GNAI1: variants seen among roughly 807,000 people sequenced by gnomAD.
GNAI1 encodes guanine nucleotide-binding protein G(i) subunit alpha-1.
In GNAI1, 11 loss-of-function variants were observed where a neutral mutation model predicts 38.9. The ratio of observed to expected loss-of-function variants is 0.28; its 90% CI spans 0.18 to 0.47. GNAI1 has a LOEUF of 0.47. GNAI1 is among the 20% of genes least tolerant of loss of function. The pLI, the probability that GNAI1 is intolerant of heterozygous loss-of-function variation, is 0.99. For missense variants in GNAI1, 317 were observed against 436.9 expected (o/e 0.73, Z 2.45); for synonymous variants, 166 against 145.1 (o/e 1.14, Z -1.04).
chr7:80,202,899 C>A (rs1219229353), intron 4 of GNAI1, among the ~76,000 whole-genome samples: 1 of 152,184 alleles, frequency 6.6e-6, no homozygotes, highest in Non-Finnish European at 1.5e-5. Flanking sequence ...GGGGCAGTGT[C>A]ATTCCTTTTC....
At chr7:80,139,147 A>C (rs1787478596) in intron 1 of GNAI1, among the ~76,000 whole-genome samples, 1 of 97,288 alleles carries the variant, frequency 1.0e-5, no homozygotes, top group South Asian at 2.5e-4. Context: ...ACCTTGTATT[A>C]GTTACTTTAG....
intron 5 of GNAI1, 110 bp from the exon 6 acceptor site, chr7:80,210,859 T>C (rs755642499): frequency 8.4e-6 from 7 of 833,618 alleles, no homozygotes; most frequent in Non-Finnish European, 1.3e-5. Context: ...CTCCTTCCTT[T>C]TCATCAGACA....
intron 1 of GNAI1, among the ~76,000 whole-genome samples, chr7:80,173,249 G>A (rs1788126397): frequency 1.3e-5 from 2 of 152,036 alleles, no homozygotes; most frequent in South Asian, 4.1e-4. Context: ...GAAGATGACA[G>A]CACAAAAATA....
At chr7:80,189,029 T>C in intron 2 of GNAI1, 36 bp downstream of exon 2, 1 of 1,603,860 alleles carries the variant, frequency 6.2e-7, no homozygotes, top group Non-Finnish European at 8.5e-7. Context: ...GCTGTTTAAG[T>C]TAGTGTACCG....
At chr7:80,167,037 G>A (rs977686743) in intron 1 of GNAI1, among the ~76,000 whole-genome samples, 2 of 152,204 alleles carry the variant, frequency 1.3e-5, no homozygotes, top group Non-Finnish European at 2.9e-5. Context: ...GAGTGAGTGG[G>A]TTAATGGATT....
chr7:80,182,346 A>C (rs945370181), intron 1 of GNAI1, among the ~76,000 whole-genome samples: 3 of 152,178 alleles, frequency 2.0e-5, no homozygotes, highest in Non-Finnish European at 2.9e-5. Context: ...CTTTGTGTGC[A>C]TACATTCTTG....
chr7:80,217,427 G>C lies in GNAI1; in HGVS notation c.999G>C (p.Gln333His), dbSNP rs772886652. The C allele has an allele frequency of 1.6e-5, 25 of 1,610,330 alleles. No individual in the cohort carries two copies. Among genetic ancestry groups the C allele is most frequent in the Non-Finnish European group, 2.0e-5 (24 of 1,177,742 alleles). Reference sequence around the variant, plus strand: ...GTGCCACAGATACTAAGAATGTGCAGTTTGTTTTTGATGCTGTAACAGATG... The same window carrying C: ...GTGCCACAGATACTAAGAATGTGCACTTTGTTTTTGATGCTGTAACAGATG... Reference protein sequence around the residue: ...FTCATDTKNVQFVFDAVTDVI... With the variant: ...FTCATDTKNVHFVFDAVTDVI... Residue 333 changes from glutamine to histidine, a missense_variant, in exon 8 of 8, where the codon CAG becomes CAC. Coordinates refer to ENST00000649796, the MANE Select transcript of GNAI1 (RefSeq NM_002069.6).
chr7:80,191,791 A>G (rs1037259066), intron 3 of GNAI1, among the ~76,000 whole-genome samples: 4 of 152,212 alleles, frequency 2.6e-5, no homozygotes, highest in Non-Finnish European at 5.9e-5. Flanking sequence ...GATAGGTACC[A>G]CAGGTTTGCT....
intron 1 of GNAI1, among the ~76,000 whole-genome samples, chr7:80,168,474 G>A (rs1367332417): frequency 2.0e-5 from 3 of 151,962 alleles, no homozygotes; most frequent in Non-Finnish European, 2.9e-5. Flanking sequence ...TGCAAGCTCC[G>A]CCTCCTGGGT....
chr7:80,182,281 C>G (rs1788308874), intron 1 of GNAI1, among the ~76,000 whole-genome samples: 1 of 152,090 alleles, frequency 6.6e-6, no homozygotes, highest in Non-Finnish European at 1.5e-5. Flanking sequence ...CATAAGTTGG[C>G]TATTGTGAAT....
At chr7:80,182,980 G>A (rs2115608990) in intron 1 of GNAI1, among the ~76,000 whole-genome samples, 1 of 152,200 alleles carries the variant, frequency 6.6e-6, no homozygotes, top group South Asian at 2.1e-4. Flanking sequence ...TTGGAGCAAG[G>A]TGCCCATGAA....
At chr7:80,207,733 GTTTAAT>G (rs1455987196) in intron 5 of GNAI1, among the ~76,000 whole-genome samples, 1 of 151,918 alleles carries the variant, frequency 6.6e-6, no homozygotes, top group Admixed American at 6.6e-5. Flanking sequence ...TTGTAATTCT[GTTTAAT>G]TTTAACTGCT....
In GNAI1 at chr7:80,218,925, C is replaced by T. The variant is rs1789022891; in HGVS notation, c.*1432C>T. On this transcript the variant is annotated 3_prime_UTR_variant, in exon 8 of 8. Transcript: ENST00000649796. ...AGCAAAGTAAACAGCACTCCCCACC[C>T]CACCCTCCTTTTTTTACTCATCTTG... The T allele has an allele frequency of 6.6e-6, 1 of 152,158 alleles. No individual in the cohort carries two copies. The highest frequency in any genetic ancestry group is 2.1e-4 in the South Asian group (1 of 4,818). 9.4% of individuals were successfully genotyped at this position (152,158 alleles called of 1,614,324 possible).
At chr7:80,180,147 C>T (rs1383142690) in intron 1 of GNAI1, among the ~76,000 whole-genome samples, 1 of 152,084 alleles carries the variant, frequency 6.6e-6, no homozygotes, top group Non-Finnish European at 1.5e-5. Flanking sequence ...AACATGAGCG[C>T]AATTAGACTT....
intron 1 of GNAI1, among the ~76,000 whole-genome samples, chr7:80,166,595 A>G (rs1459590618): frequency 6.6e-6 from 1 of 152,148 alleles, no homozygotes; most frequent in African/African-American, 2.4e-5. Context: ...TGATTTTAGG[A>G]TTACTCACAT....
chr7:80,137,302 TTTTTC>T (rs1787434774), intron 1 of GNAI1, among the ~76,000 whole-genome samples: 37 of 60,374 alleles, frequency 6.1e-4, no homozygotes, highest in African/African-American at 1.5e-3. Flanking sequence ...TCTTTTTTTT[TTTTTC>T]TTTTCTTTTC....
At chr7:80,192,691 T>G (rs771742914) in intron 3 of GNAI1, among the ~76,000 whole-genome samples, 3 of 151,894 alleles carry the variant, frequency 2.0e-5, no homozygotes, top group South Asian at 2.1e-4. Context: ...TATCTTTTGG[T>G]TTTTTTTCTG....
chr7:80,137,323 T>TTTC (rs1787439110), intron 1 of GNAI1, among the ~76,000 whole-genome samples: 15 of 127,574 alleles, frequency 1.2e-4, no homozygotes, highest in Admixed American at 5.5e-4. Flanking sequence ...TTTTCTTTTT[T>TTTC]TTTTTTTTTT....
At chr7:80,214,992 T>G (rs1562845804) in intron 7 of GNAI1, among the ~76,000 whole-genome samples, 1 of 152,164 alleles carries the variant, frequency 6.6e-6, no homozygotes, top group Non-Finnish European at 1.5e-5. Flanking sequence ...GGTCGGTTGG[T>G]TGGTTGGTTA....
Sources: allele counts gnomAD v4.1 joint callset (sites outside exome capture counted in the v4.1 genomes callset), GRCh38; gene constraint gnomAD v4.1.1; transcripts MANE v1.5; gene names NCBI Gene and HGNC (gene_info 2026-07-23, HGNC 2026-07-21).